Variants in ABCC5 observed in about 807,000 individuals in gnomAD.
ABCC5 encodes the protein ATP-binding cassette sub-family C member 5.
A neutral mutation model predicts 160.9 loss-of-function variants in ABCC5; 61 were observed. The observed-to-expected ratio is 0.38, with a 90% CI of 0.31 to 0.47. The LOEUF (loss-of-function observed/expected upper bound fraction) is 0.47, where lower values mean the gene tolerates loss of function less well. Among genes scored for constraint, ABCC5 ranks in the 20% least tolerant of loss-of-function variants. The pLI, the probability that ABCC5 is intolerant of heterozygous loss-of-function variation, is 0.99. For synonymous variants in ABCC5, 666 were observed against 700.6 expected (o/e 0.95, Z 0.78); for missense variants, 1,308 against 1,813.3 (o/e 0.72, Z 5.06).
Position 183,924,010 on chromosome 3 carries a change from C to CTTTTTTTTTT in ABCC5, c.4212+1535_4212+1544dup, listed in dbSNP as rs200040197. ...AAATCCCACCAATTTTTACTGTTTG[C>CTTTTTTTTTT]TTTTTTTTTTTTTTTTTTTTTTTGA... On this transcript the variant is annotated intron_variant, in intron 29 of 29. Coordinates refer to ENST00000334444, the MANE Select transcript of ABCC5 (RefSeq NM_005688.4). Among the ~76,000 whole-genome samples the CTTTTTTTTTT allele has an allele frequency of 8.0e-4, 90 of 112,780 alleles. 1 individual carries two copies. Among genetic ancestry groups the CTTTTTTTTTT allele is most frequent in the East Asian group, 2.0e-3 (8 of 4,010 alleles). 74.0% of individuals were successfully genotyped at this position (112,780 alleles called of 152,430 possible).
intron 10 of ABCC5, among the ~76,000 whole-genome samples, chr3:183,976,999 C>T (rs1417469934): frequency 6.6e-6 from 1 of 152,254 alleles, no homozygotes; most frequent in Admixed American, 6.5e-5. Context: ...GAAGCTGAGA[C>T]TTACTTAACT....
At chr3:184,000,917 C>T (rs2108897624) in intron 2 of ABCC5, 1 of 303,806 alleles carries the variant, frequency 3.3e-6, no homozygotes, top group Non-Finnish European at 5.9e-6. Context: ...CAAATGTAAG[C>T]CACATAATGT....
At chr3:183,925,441 G>A (rs1712440504) in intron 29 of ABCC5, 114 bp downstream of exon 29, 1 of 1,076,138 alleles carries the variant, frequency 9.3e-7, no homozygotes, top group Non-Finnish European at 1.3e-6. Context: ...TAGCGCTGCT[G>A]CAAGTGCTTA....
At chr3:183,934,065 G>A (rs1713445439) in intron 26 of ABCC5, among the ~76,000 whole-genome samples, 1 of 152,198 alleles carries the variant, frequency 6.6e-6, no homozygotes, top group Non-Finnish European at 1.5e-5. Flanking sequence ...CAGCACTTTG[G>A]GAGGCTGAGG....
chr3:183,974,604 G>A (rs1288042376), intron 10 of ABCC5, among the ~76,000 whole-genome samples: 6 of 152,090 alleles, frequency 3.9e-5, no homozygotes, highest in Admixed American at 2.6e-4. Flanking sequence ...CCACCATGCC[G>A]GGCCCCCGTT....
At chr3:183,967,350 T>A (rs1717317500) in intron 12 of ABCC5, 1 of 267,598 alleles carries the variant, frequency 3.7e-6, no homozygotes, top group South Asian at 4.4e-5. Context: ...TTGGCAGCGC[T>A]GCAGTGTAGG....
chr3:183,957,007 T>A (rs1294101620), intron 17 of ABCC5, among the ~76,000 whole-genome samples: 1 of 149,512 alleles, frequency 6.7e-6, no homozygotes, highest in African/African-American at 2.5e-5. Context: ...ATCGGTTACA[T>A]GCGGATCCGT....
intron 10 of ABCC5, among the ~76,000 whole-genome samples, chr3:183,975,197 C>T (rs971632669): frequency 1.3e-5 from 2 of 152,126 alleles, no homozygotes; most frequent in Non-Finnish European, 2.9e-5. Flanking sequence ...CTTTAACGTA[C>T]TCAGAAACAT....
intron 8 of ABCC5, among the ~76,000 whole-genome samples, chr3:183,979,403 G>A (rs1718508683): frequency 6.6e-6 from 1 of 150,992 alleles, no homozygotes; most frequent in African/African-American, 2.4e-5. Flanking sequence ...AGTGCCTGCT[G>A]TATGTTGGCA....
At chr3:183,941,524 T>A (rs1477745665) in intron 25 of ABCC5, among the ~76,000 whole-genome samples, 1 of 152,106 alleles carries the variant, frequency 6.6e-6, no homozygotes, top group Non-Finnish European at 1.5e-5. Context: ...CAAAAGGTTT[T>A]TTTTTTTTTA....
chr3:183,949,769 G>C lies in ABCC5; in HGVS notation c.3211C>G (p.Gln1071Glu). The change falls in exon 22 of 30, where the codon CAG becomes GAG. Residue 1071 changes from glutamine (Q) to glutamate (E), a missense_variant. Gln to Glu is a conservative substitution (Grantham distance 29). Around this residue, in one of 3 missense-constraint regions of ABCC5, gnomAD observed 1,142 missense variants for 1,527.1 expected, o/e 0.75. Transcript: ENST00000334444. This position sits in a 1 kb window ranked among gnomAD's most constrained non-coding sequence, Gnocchi z 4.2. ...LATIHAYNKG[Q>E]EFLHRYQELL... is the part of the protein sequence containing the mutation. ...AGGACAAACCTGTGCAGAAACTCCT[G>C]CCCTTTATTGTAGGCGTGGATGGTG... 6.2e-7 allele frequency: 1 copy of C among 1,614,136 alleles called. No homozygotes were observed.
chr3:183,938,995 T>C (rs960549475), intron 25 of ABCC5, among the ~76,000 whole-genome samples: 1 of 152,218 alleles, frequency 6.6e-6, no homozygotes, highest in African/African-American at 2.4e-5. Flanking sequence ...AAATCTTCAT[T>C]TGAAAAGTTT....
At chr3:183,952,441 CT>C (rs1559999430) in intron 18 of ABCC5, among the ~76,000 whole-genome samples, 2 of 152,188 alleles carry the variant, frequency 1.3e-5, no homozygotes, top group African/African-American at 4.8e-5. Flanking sequence ...TCCACCACAC[CT>C]AGCCCTCTTT....
chr3:183,952,055 C>A, intron 18 of ABCC5, 52 bp from the exon 19 acceptor site: 1 of 1,573,252 alleles, frequency 6.4e-7, no homozygotes, highest in Non-Finnish European at 8.7e-7. Flanking sequence ...CTGCCAAGAG[C>A]CCCTGCTCAG....
Position 183,949,609 on chromosome 3 carries a change from CAG to C in ABCC5, c.3227+142_3227+143del. 1 of 1,097,846 alleles carries C rather than the reference CAG, an allele frequency of 9.1e-7. No homozygotes were observed. Among genetic ancestry groups the C allele is most frequent in the Non-Finnish European group, 1.3e-6 (1 of 793,500 alleles). 68.0% of individuals were successfully genotyped at this position (1,097,846 alleles called of 1,614,324 possible). ...TCCCGCCAAGCAATTGGATTTTAAT[CAG>C]AGATTATTCCATTAAATCATGAATA... is the stretch of plus-strand genomic sequence containing the variant. On this transcript the variant is annotated intron_variant, in intron 22 of 29. Transcript: ENST00000334444. The surrounding 1 kb of genome is among the most constrained non-coding windows in gnomAD (Gnocchi z 4.2).
At position 183,987,282 on chromosome 3, in the gene ABCC5, C is replaced by A. The variant is rs1025352578; in HGVS notation, c.591+488G>T. 4.2e-6 allele frequency: 1 copy of A among 237,946 alleles called. No homozygotes were observed. Among genetic ancestry groups the A allele is most frequent in the Admixed American group, 5.1e-5 (1 of 19,684 alleles). The allele number at this position is 237,946 out of a possible 1,614,324, so 14.7% of individuals were successfully genotyped here. ...AGTCACACTATAAGCCAAACTTAAA[C>A]GGACTCCAGGTCAGACTCTAAAATC... On this transcript the variant is annotated intron_variant, in intron 5 of 29. Transcript: ENST00000334444. This position sits in a 1 kb window ranked among gnomAD's most constrained non-coding sequence, Gnocchi z 4.2.
rs1712018694 is a variant in ABCC5 at position 183,921,948 on chromosome 3, T to C, written c.4213-547A>G. The stretch of plus-strand genomic sequence containing the variant: ...TGGGAGGCTGAGGCAGGAGAATCGC[T>C]TGAACCCAGGAGGTGGAGGTTGCAG... On this transcript the variant is annotated intron_variant, in intron 29 of 29. Coordinates refer to ENST00000334444, the MANE Select transcript of ABCC5 (RefSeq NM_005688.4). This position sits in a 1 kb window ranked among gnomAD's most constrained non-coding sequence, Gnocchi z 4.1. Among the ~76,000 whole-genome samples, 1 of 151,926 alleles carries C rather than the reference T, an allele frequency of 6.6e-6. No individual in the cohort carries two copies. Among genetic ancestry groups the C allele is most frequent in the African/African-American group, 2.4e-5 (1 of 41,396 alleles).
chr3:183,947,305 T>G lies in ABCC5; in HGVS notation c.3414+19A>C. On this transcript the variant is annotated intron_variant, in intron 23 of 29. Coordinates refer to ENST00000334444, the MANE Select transcript of ABCC5 (RefSeq NM_005688.4). ...GGGCTCAAACAAGCAAAGATGACGCTCCTATCCCAGAGACTGACCTGGACA... is the reference window on the plus strand; with the variant it reads ...GGGCTCAAACAAGCAAAGATGACGCGCCTATCCCAGAGACTGACCTGGACA... 1 of 1,569,230 alleles carries G rather than the reference T, an allele frequency of 6.4e-7. No homozygotes were observed. Among genetic ancestry groups the G allele is most frequent in the South Asian group, 1.2e-5 (1 of 85,744 alleles).
At chr3:183,940,045 A>C (rs1318508996) in intron 25 of ABCC5, among the ~76,000 whole-genome samples, 1 of 152,160 alleles carries the variant, frequency 6.6e-6, no homozygotes, top group Non-Finnish European at 1.5e-5. Flanking sequence ...TGGGAACCTG[A>C]AAAACACCCA....
Sources: gnomAD v4.1 joint callset for allele counts (sites outside exome capture counted in the v4.1 genomes callset) on GRCh38, gnomAD v4.1.1 for gene constraint, gnomAD v4.1.1 regional missense constraint, Gnocchi (gnomAD v3.1) non-coding constraint, MANE v1.5 for transcripts, NCBI Gene and HGNC (gene_info 2026-07-23, HGNC 2026-07-21) for gene names.